The following TMX1 variants were observed in gnomAD, a reference collection of about 807,000 sequenced individuals.
TMX1 encodes thioredoxin related transmembrane protein 1, also known as thioredoxin-related transmembrane protein 1.
In TMX1, 25 loss-of-function variants were observed where a neutral mutation model predicts 36.6. The observed-to-expected ratio is 0.68, with a 90% CI of 0.50 to 0.95. The LOEUF is 0.95. TMX1 is among the 40% of genes least tolerant of loss of function. The pLI is 0.00. For missense variants in TMX1, 347 were observed against 339.6 expected, an observed-to-expected ratio of 1.02 and a Z score of -0.17; for synonymous variants, 133 against 118.0, an observed-to-expected ratio of 1.13 and a Z score of -0.82.
chr14:51,252,650 A>G (rs2065819755), intron 7 of TMX1, among the ~76,000 whole-genome samples: 1 of 152,162 alleles, frequency 6.6e-6, no homozygotes, highest in African/African-American at 2.4e-5. Context: ...CTTTAAAGTG[A>G]TATTGCCATG....
chr14:51,252,387 C>G (rs1164849467), intron 7 of TMX1, among the ~76,000 whole-genome samples: 3 of 151,248 alleles, frequency 2.0e-5, no homozygotes, highest in Non-Finnish European at 4.4e-5. Context: ...GTCTATGAGC[C>G]AGAGAGATCT....
At chr14:51,254,115 G>A (rs1477741461) in intron 7 of TMX1, 1 of 342,500 alleles carries the variant, frequency 2.9e-6, no homozygotes, top group African/African-American at 2.2e-5. Context: ...ATAAATAGGT[G>A]GGTAATTAGA....
At chr14:51,253,185 T>C (rs2065822839) in intron 7 of TMX1, among the ~76,000 whole-genome samples, 3 of 152,248 alleles carry the variant, frequency 2.0e-5, no homozygotes. Flanking sequence ...TGATTCTTAG[T>C]TGTGATGGAC....
Position 51,253,150 on chromosome 14 carries a change from G to A in TMX1, c.665-1191G>A, listed in dbSNP as rs191386064. On this transcript the variant is annotated intron_variant, in intron 7 of 7. Transcript: ENST00000457354. ...TTGGAAACCAGGGTTTCTCAGCCTT[G>A]ACACTATTGACGTTTTTGGCCAGAT... is the stretch of plus-strand genomic sequence containing the variant. Among the ~76,000 whole-genome samples, 264 of 152,264 alleles carry A rather than the reference G, an allele frequency of 1.7e-3. 1 individual carries two copies. The highest frequency in any genetic ancestry group is 0.013 in the South Asian group (64 of 4,830).
intron 2 of TMX1, among the ~76,000 whole-genome samples, chr14:51,244,647 C>A (rs1331593490): frequency 6.6e-6 from 1 of 152,106 alleles, no homozygotes; most frequent in Non-Finnish European, 1.5e-5. Context: ...CCCTTGGATT[C>A]TTGGCTGTCC....
intron 4 of TMX1, among the ~76,000 whole-genome samples, chr14:51,247,848 C>G (rs2065793815): frequency 6.6e-6 from 1 of 152,182 alleles, no homozygotes; most frequent in South Asian, 2.1e-4. Context: ...GTAAAGCTAT[C>G]ACTCGAGTGT....
intron 7 of TMX1, among the ~76,000 whole-genome samples, chr14:51,253,726 C>T (rs1241490393): frequency 6.6e-6 from 1 of 152,132 alleles, no homozygotes; most frequent in African/African-American, 2.4e-5. Context: ...ATTCTTGTAA[C>T]TATGTTGTAA....
rs2065802899 is a variant in TMX1 at position 51,249,707 on chromosome 14, G to A, written c.606G>A (p.Val202=). Residue 202 remains valine (V), a synonymous_variant, in exon 7 of 8, where the codon GTG becomes GTA. Coordinates refer to ENST00000457354, the MANE Select transcript of TMX1 (RefSeq NM_030755.5). ...GLLLGLCMIF[V]ADCLCPSKRR... is the part of the protein sequence containing the mutation. ...TATTTTTACAGTGTATGATATTTGT[G>A]GCAGATTGCCTTTGTCCTTCAAAAA... 1.9e-6 allele frequency: 3 copies of A among 1,613,456 alleles called. No individual in the cohort carries two copies. Among genetic ancestry groups the A allele is most frequent in the Non-Finnish European group, 2.5e-6 (3 of 1,179,674 alleles).
At chr14:51,249,821 T>C (rs2139856351) in intron 7 of TMX1, 56 bp downstream of exon 7, 2 of 1,339,392 alleles carry the variant, frequency 1.5e-6, no homozygotes, top group Admixed American at 2.2e-5. Flanking sequence ...TTCATTTCTG[T>C]AATCACAATC....
chr14:51,254,719 G>T lies in TMX1; in HGVS notation c.*200G>T. 1 of 396,840 alleles carries T rather than the reference G, an allele frequency of 2.5e-6. No individual in the cohort carries two copies. Among genetic ancestry groups the T allele is most frequent in the Non-Finnish European group, 4.4e-6 (1 of 227,092 alleles). 24.6% of individuals were successfully genotyped at this position (396,840 alleles called of 1,614,324 possible). A position where few individuals can be genotyped will look rare whatever the true frequency, so the allele number is the denominator to read the frequency against. On this transcript the variant is annotated 3_prime_UTR_variant, in exon 8 of 8. Coordinates refer to ENST00000457354, the MANE Select transcript of TMX1 (RefSeq NM_030755.5). The stretch of plus-strand genomic sequence containing the variant: ...AATATGATTTAAGCACAGTATGATG[G>T]TTTAAATAGTTCTCTAATTTTTGAA...
chr14:51,241,835 A>T (rs1006717380), intron 1 of TMX1, among the ~76,000 whole-genome samples: 4 of 152,150 alleles, frequency 2.6e-5, no homozygotes, highest in Non-Finnish European at 4.4e-5. Flanking sequence ...GTTATTTTTT[A>T]AAAAAACAAA....
rs888628740 is a variant in TMX1, at chr14:51,249,295, T to C, written c.444-31T>C. The C allele has an allele frequency of 1.9e-6, 3 of 1,556,902 alleles. No individual in the cohort carries two copies. In the African/African-American group the frequency reaches 4.2e-5, roughly 22 times the overall value. On this transcript the variant is annotated intron_variant, in intron 4 of 7. Coordinates refer to ENST00000457354, the MANE Select transcript of TMX1 (RefSeq NM_030755.5). ...GTATAGACAAATCTGTGTATGTTAC[T>C]CAGTTTTTTAATCATCTCTTTTATT...
rs377336833 is a variant in TMX1, at chr14:51,247,118, A to G, written c.341A>G (p.Tyr114Cys). The G allele has an allele frequency of 2.5e-6, 4 of 1,611,732 alleles. No individual in the cohort carries two copies. The highest frequency in any genetic ancestry group is 1.3e-5 in the African/African-American group (1 of 74,872). Residue 114 changes from tyrosine (Y) to cysteine (C), a missense_variant, in exon 4 of 8, where the codon TAT (tyrosine) becomes TGT (cysteine). Tyr to Cys is a radical substitution (Grantham distance 194). Coordinates refer to ENST00000457354, the MANE Select transcript of TMX1 (RefSeq NM_030755.5). Reference sequence around the variant, plus strand: ...TGTAAAGATGGTGAATTTAGGCGCTATCAGGGTCCAAGGACTAAGAAGGAC... The same window carrying G: ...TGTAAAGATGGTGAATTTAGGCGCTGTCAGGGTCCAAGGACTAAGAAGGAC... ...YHCKDGEFRR[Y>C]QGPRTKKDFI...
chr14:51,251,287 T>G (rs1291682869), intron 7 of TMX1, among the ~76,000 whole-genome samples: 2 of 152,202 alleles, frequency 1.3e-5, no homozygotes, highest in Non-Finnish European at 2.9e-5. Context: ...GGAGTACTTT[T>G]GTGATGCTGG....
intron 7 of TMX1, 95 bp from the exon 8 acceptor site, chr14:51,254,246 G>A (rs2065828044): frequency 7.7e-6 from 8 of 1,042,574 alleles, no homozygotes; most frequent in Non-Finnish European, 7.8e-6. Flanking sequence ...TTATGCCAAA[G>A]CAGTTTTGGG....
At chr14:51,249,844 G>A in intron 7 of TMX1, 79 bp downstream of exon 7, 2 of 1,146,640 alleles carry the variant, frequency 1.7e-6, no homozygotes, top group Non-Finnish European at 2.5e-6. Flanking sequence ...ACATTTCACA[G>A]GTTGCTCTTC....
At chr14:51,254,295 A>G in intron 7 of TMX1, 46 bp from the exon 8 acceptor site, 1 of 1,528,798 alleles carries the variant, frequency 6.5e-7, no homozygotes, top group Non-Finnish European at 8.8e-7. Context: ...CTCTAAAGCA[A>G]ATCTAATACA....
At chr14:51,242,001 C>T (rs2065763901) in intron 1 of TMX1, among the ~76,000 whole-genome samples, 1 of 152,104 alleles carries the variant, frequency 6.6e-6, no homozygotes, top group South Asian at 2.1e-4. Flanking sequence ...TGGTGGCACG[C>T]GCCTGTAGTC....
At chr14:51,246,217 T>G (rs2065784964) in intron 3 of TMX1, among the ~76,000 whole-genome samples, 1 of 152,164 alleles carries the variant, frequency 6.6e-6, no homozygotes, top group African/African-American at 2.4e-5. Context: ...TCTCTCCCTT[T>G]GCTTTTCACT....
Sources: allele counts gnomAD v4.1 joint callset (sites outside exome capture counted in the v4.1 genomes callset), GRCh38; gene constraint gnomAD v4.1.1; transcripts MANE v1.5; gene names NCBI Gene and HGNC (gene_info 2026-07-23, HGNC 2026-07-21).